Variants in AGL observed in about 807,000 individuals in gnomAD.
AGL encodes glycogen debranching enzyme.
AGL carries 128 observed loss-of-function variants against 199.3 expected under a neutral mutation model. That is an observed-to-expected ratio of 0.64 (90% CI 0.56 to 0.74). AGL has a LOEUF of 0.74. AGL is among the 30% of genes least tolerant of loss of function. The pLI, the probability that AGL is intolerant of heterozygous loss-of-function variation, is 0.00. For synonymous variants in AGL, 584 were observed against 594.7 expected, an observed-to-expected ratio of 0.98 and a Z score of 0.26; for missense variants, 1,809 against 1,820.8, an observed-to-expected ratio of 0.99 and a Z score of 0.12.
At chr1:99,877,505 C>A in intron 11 of AGL, 136 bp from the exon 12 acceptor site, 1 of 743,178 alleles carries the variant, frequency 1.3e-6, no homozygotes, top group South Asian at 1.7e-5. Flanking sequence ...TTATCTCATA[C>A]CACTTTAGAT....
At position 99,881,322 on chromosome 1, in the gene AGL, A is replaced by G. The variant is rs763790850; in HGVS notation, c.2032A>G (p.Thr678Ala). 11 of 1,614,128 alleles carry G rather than the reference A, an allele frequency of 6.8e-6. No homozygotes were observed. The Admixed American group carries it at 1.3e-4, about 20-fold the overall frequency. The change falls in exon 16 of 34, where the codon ACT (threonine) becomes GCT (alanine). Residue 678 changes from threonine to alanine, a missense_variant. Transcript: ENST00000361915. ...AGTGGTTTCTGAAGAACGGTTTTAC[A>G]CTAAGTGGAATCCTGAAGCATTGCC... The part of the protein sequence containing the change: ...ISVVSEERFY[T>A]KWNPEALPSN...
chr1:99,917,851 C>G (rs1312520358), intron 33 of AGL, among the ~76,000 whole-genome samples: 2 of 152,062 alleles, frequency 1.3e-5, no homozygotes. Flanking sequence ...TCATCATCAT[C>G]CATTTTGCTT....
At position 99,876,574 on chromosome 1, in the gene AGL, C is replaced by A. The variant is rs542868482; in HGVS notation, c.1400C>A (p.Pro467His). The part of the protein sequence containing the change: ...AHNGWVMGDD[P>H]LRNFAEPGSE... The stretch of plus-strand genomic sequence containing the variant: ...AATGGATGGGTAATGGGAGATGATC[C>A]TCTTCGAAACTTTGCTGAACCGGGT... The change falls in exon 11 of 34, where the codon CCT becomes CAT. Residue 467 changes from proline to histidine, a missense_variant. By Grantham distance (77) the Pro-to-His change is moderately conservative. Coordinates refer to ENST00000361915, the MANE Select transcript of AGL (RefSeq NM_000642.3). 2 of 1,613,992 alleles carry A rather than the reference C, an allele frequency of 1.2e-6. No homozygotes were observed. The highest frequency in any genetic ancestry group is 2.2e-5 in the South Asian group (2 of 91,068).
chr1:99,863,598 C>T (rs138969607), intron 4 of AGL, among the ~76,000 whole-genome samples: 146 of 151,990 alleles, frequency 9.6e-4, no homozygotes, highest in African/African-American at 3.3e-3. Context: ...GGACTGCAGG[C>T]GCCTGCCACC....
chr1:99,891,188 T>C (rs1372219281), intron 21 of AGL, 32 bp from the exon 22 acceptor site: 1 of 1,612,892 alleles, frequency 6.2e-7, no homozygotes. Context: ...ATGCTACCAA[T>C]AATACAGCAT....
At chr1:99,912,735 G>T (rs1654838377) in intron 29 of AGL, among the ~76,000 whole-genome samples, 1 of 152,166 alleles carries the variant, frequency 6.6e-6, no homozygotes, top group African/African-American at 2.4e-5. Context: ...CATAGCTGTT[G>T]CCTTTATTGT....
At chr1:99,859,896 A>C (rs1649894066) in intron 2 of AGL, among the ~76,000 whole-genome samples, 1 of 152,174 alleles carries the variant, frequency 6.6e-6, no homozygotes, top group South Asian at 2.1e-4. Context: ...CAGCTTGTAG[A>C]TTTACCATAA....
intron 25 of AGL, among the ~76,000 whole-genome samples, chr1:99,897,175 G>A (rs1440797104): frequency 1.3e-5 from 2 of 152,138 alleles, no homozygotes; most frequent in Admixed American, 6.5e-5. Context: ...AGGTCGAAAG[G>A]AAAGCACTAC....
At position 99,881,424 on chromosome 1, in the gene AGL, C is replaced by G; in HGVS notation, c.2134C>G (p.Leu712Val). The G allele has an allele frequency of 6.2e-7, 1 of 1,614,068 alleles. No individual in the cohort carries two copies. Among genetic ancestry groups the G allele is most frequent in the Non-Finnish European group, 8.5e-7 (1 of 1,179,980 alleles). The change falls in exon 16 of 34, where the codon CTT becomes GTT. Residue 712 changes from leucine to valine, a missense_variant. Leu to Val is a conservative substitution (Grantham distance 32). Coordinates refer to ENST00000361915, the MANE Select transcript of AGL (RefSeq NM_000642.3). The stretch of plus-strand genomic sequence containing the variant: ...TGCTATCAGTAAACTTCATCAGGAG[C>G]TTGGAGCCAAGGGTTTTATTCAGGC... The part of the protein sequence containing the change: ...RCAISKLHQE[L>V]GAKGFIQVYV...
chr1:99,865,574 C>G (rs1226370775), intron 5 of AGL, among the ~76,000 whole-genome samples: 3 of 152,208 alleles, frequency 2.0e-5, no homozygotes, highest in African/African-American at 7.2e-5. Context: ...CTGGCCTGGC[C>G]TAGCCTGACA....
intron 12 of AGL, among the ~76,000 whole-genome samples, chr1:99,879,099 G>A (rs1043341717): frequency 6.6e-6 from 1 of 152,122 alleles, no homozygotes; most frequent in Non-Finnish European, 1.5e-5. Context: ...AGTGTTAAAC[G>A]TAAATCACAC....
chr1:99,899,520 CTCTCTCTCTT>C, intron 25 of AGL, among the ~76,000 whole-genome samples: 1 of 110,484 alleles, frequency 9.1e-6, no homozygotes, highest in African/African-American at 3.8e-5. Context: ...TTCTCTCTCT[CTCTCTCTCTT>C]TCTCTCTCTC....
chr1:99,907,808 C>T lies in AGL; in HGVS notation c.3701-2904C>T, dbSNP rs187778724. ...GAGCATCTCTTCATGTGCTTGCAGG[C>T]ATACATATATCTTCTTTGGAGAAAT... On this transcript the variant is annotated intron_variant, in intron 27 of 33. Coordinates refer to ENST00000361915, the MANE Select transcript of AGL (RefSeq NM_000642.3). Among the ~76,000 whole-genome samples, 3 of 150,962 alleles carry T rather than the reference C, an allele frequency of 2.0e-5. No individual in the cohort carries two copies. In the East Asian group the frequency reaches 5.9e-4, roughly 30 times the overall value.
At position 99,921,521 on chromosome 1, in the gene AGL, T is replaced by C. The variant is rs1298280899; in HGVS notation, c.4482-13T>C. The C allele has an allele frequency of 2.6e-6, 4 of 1,563,864 alleles. No individual in the cohort carries two copies. The African/African-American group carries it at 5.4e-5, about 21-fold the overall frequency. On this transcript the variant is annotated splice_polypyrimidine_tract_variant and intron_variant, in intron 33 of 33. Transcript: ENST00000361915. ...AAATTATGTCTTTGTAAAATGTCTT[T>C]TCTTTCATTCAGATCCCCTTGGAAA...
At chr1:99,853,064 A>G (rs2101058338) in intron 2 of AGL, among the ~76,000 whole-genome samples, 1 of 152,258 alleles carries the variant, frequency 6.6e-6, no homozygotes, top group African/African-American at 2.4e-5. Flanking sequence ...GTCTCTTTTT[A>G]AGCTTGCAGT....
In AGL at chr1:99,881,371, TCC is replaced by T. The variant is rs1394597141; in HGVS notation, c.2082_2083del (p.Phe694LeufsTer13). 3.1e-6 allele frequency: 5 copies of T among 1,614,148 alleles called. No homozygotes were observed. The highest frequency in any genetic ancestry group is 4.2e-6 in the Non-Finnish European group (5 of 1,180,012). ...CCTTCAAACACAGGTGAAGTTAATT[TCC>T]AAAGCGGCATTATTGCAGCCAGGTG... On this transcript the variant is annotated frameshift_variant, in exon 16 of 34. Coordinates refer to ENST00000361915, the MANE Select transcript of AGL (RefSeq NM_000642.3). LOFTEE classifies it high-confidence loss of function.
At chr1:99,890,462 A>G (rs10783122) in intron 21 of AGL, among the ~76,000 whole-genome samples, 77,881 of 151,082 alleles carry the variant, frequency 0.52, 20,629 homozygotes, top group East Asian at 0.67. Context: ...TTAAATTTAT[A>G]TAGTTTTTAG....
chr1:99,910,820 G>C lies in AGL; in HGVS notation c.3809G>C (p.Arg1270Thr). The C allele has an allele frequency of 6.2e-7, 1 of 1,613,152 alleles. No homozygotes were observed. Among genetic ancestry groups the C allele is most frequent in the Non-Finnish European group, 8.5e-7 (1 of 1,179,404 alleles). ...MDKMGESDRA[R>T]NRGIPATPRD... ...AAAATGGGAGAAAGTGACAGAGCTA[G>C]AAACAGAGGAATCCCAGCCACACCA... The change falls in exon 28 of 34, where the codon AGA (arginine) becomes ACA (threonine). Residue 1270 changes from arginine (R) to threonine (T), a missense_variant. Transcript: ENST00000361915.
At chr1:99,918,329 A>G (rs567580835) in intron 33 of AGL, among the ~76,000 whole-genome samples, 4 of 152,192 alleles carry the variant, frequency 2.6e-5, no homozygotes, top group Non-Finnish European at 5.9e-5. Flanking sequence ...GGCTGTTTTT[A>G]TATCTTCCAT....
Sources: allele counts gnomAD v4.1 joint callset (sites outside exome capture counted in the v4.1 genomes callset), GRCh38; gene constraint gnomAD v4.1.1; transcripts MANE v1.5; gene names NCBI Gene and HGNC (gene_info 2026-07-23, HGNC 2026-07-21).